Variants in GLE1 observed in about 807,000 individuals in gnomAD.
The protein encoded by GLE1 is mRNA export factor GLE1.
A neutral mutation model predicts 97.3 loss-of-function variants in GLE1; 78 were observed. That is an observed-to-expected ratio of 0.80 (90% confidence interval 0.67 to 0.97). The LOEUF (loss-of-function observed/expected upper bound fraction) is 0.97, where lower values mean the gene tolerates loss of function less well. Among genes scored for constraint, GLE1 ranks in the 50% least tolerant of loss-of-function variants. The probability of loss-of-function intolerance (pLI) is 0.00; values close to 1 mark genes in which losing one functional copy is unlikely to be tolerated. For synonymous variants in GLE1, 302 were observed against 313.4 expected (o/e 0.96, Z 0.39); for missense variants, 753 against 857.5 (o/e 0.88, Z 1.52).
rs121434409 is a variant in GLE1, at chr9:128,541,124, T to C, written c.2051T>C (p.Ile684Thr). 31 of 1,588,832 alleles carry C rather than the reference T, an allele frequency of 2.0e-5. No homozygotes were observed. Reference sequence around the variant, plus strand: ...CAGAAATGTTTGCAACACAAGGACATTCCTGTCCCCAAGGGCTTTCTGACT... The same window carrying C: ...CAGAAATGTTTGCAACACAAGGACACTCCTGTCCCCAAGGGCTTTCTGACT... ...FLEKCLQHKD[I>T]PVPKGFLTSS... Residue 684 changes from isoleucine (I) to threonine (T), a missense_variant, in exon 16 of 16, where the codon ATT becomes ACT. Transcript: ENST00000309971.
At chr9:128,512,873 A>C (rs773359399) in intron 2 of GLE1, among the ~76,000 whole-genome samples, 11 of 151,990 alleles carry the variant, frequency 7.2e-5, no homozygotes, top group Non-Finnish European at 1.3e-4. Context: ...TGGTCAGGCT[A>C]GGTGACCTCA....
At chr9:128,517,629 C>T (rs1847025374) in intron 3 of GLE1, among the ~76,000 whole-genome samples, 1 of 152,022 alleles carries the variant, frequency 6.6e-6, no homozygotes, top group Non-Finnish European at 1.5e-5. Flanking sequence ...AAATTTTTCC[C>T]CTTGATTAGT....
At chr9:128,516,929 A>AT (rs200090822) in intron 3 of GLE1, among the ~76,000 whole-genome samples, 461 of 151,018 alleles carry the variant, frequency 3.1e-3, no homozygotes, top group African/African-American at 0.01. Context: ...CCCAGCATGT[A>AT]TTTTTTTTTA....
rs183078705 is a variant in GLE1 at position 128,519,294 on chromosome 9, G to T, written c.433-3374G>T. ...AACAAGAGAGATAACCTTAAACTCT[G>T]ACCGCCGGTGAGCTGGGCAGAACAA... On this transcript the variant is annotated intron_variant, in intron 3 of 15. Transcript: ENST00000309971. Among the ~76,000 whole-genome samples, 527 of 152,324 alleles carry T rather than the reference G, an allele frequency of 3.5e-3. 3 individuals are homozygous for T. The highest frequency in any genetic ancestry group is 4.6e-3 in the Non-Finnish European group (310 of 68,032).
chr9:128,509,202 C>G, intron 2 of GLE1, 105 bp downstream of exon 2: 1 of 760,740 alleles, frequency 1.3e-6, no homozygotes. Context: ...ATAATGATTG[C>G]TCATTGTTGT....
chr9:128,526,548 G>A (rs559215550), intron 7 of GLE1, among the ~76,000 whole-genome samples: 1 of 152,094 alleles, frequency 6.6e-6, no homozygotes, highest in Non-Finnish European at 1.5e-5. Flanking sequence ...TAGTGGAGAC[G>A]GGGTTTCTCC....
intron 5 of GLE1, 34 bp downstream of exon 5, chr9:128,523,374 G>C: frequency 6.3e-7 from 1 of 1,582,566 alleles, no homozygotes; most frequent in Non-Finnish European, 8.7e-7. Context: ...TGGGTGTTTT[G>C]GTGTCTGTCT....
rs537244282 is a variant in GLE1 at position 128,542,103 on chromosome 9, A to G, written c.*933A>G. On this transcript the variant is annotated 3_prime_UTR_variant, in exon 16 of 16. Transcript: ENST00000309971. Reference sequence around the variant, plus strand: ...TTAAAATTTGTTTTGTGGAAAGACTAATTCTCTTTGATACTGCAGAGGCAG... The same window carrying G: ...TTAAAATTTGTTTTGTGGAAAGACTGATTCTCTTTGATACTGCAGAGGCAG... The G allele has an allele frequency of 9.2e-5, 14 of 152,316 alleles. No individual in the cohort carries two copies. In the East Asian group the frequency reaches 2.3e-3, roughly 25 times the overall value. 9.4% of individuals were successfully genotyped at this position (152,316 alleles called of 1,614,324 possible).
At chr9:128,534,767 G>A (rs1216746553) in intron 11 of GLE1, among the ~76,000 whole-genome samples, 1 of 151,326 alleles carries the variant, frequency 6.6e-6, no homozygotes, top group African/African-American at 2.4e-5. Flanking sequence ...CACCCAGGCT[G>A]GAGTGCAGTG....
At chr9:128,538,119 A>C (rs1484403370) in intron 13 of GLE1, 29 bp downstream of exon 13, 1 of 1,228,336 alleles carries the variant, frequency 8.1e-7, no homozygotes, top group Non-Finnish European at 1.2e-6. Context: ...ACACAAGAGA[A>C]GGCCAGTGGT....
At chr9:128,517,659 GT>G (rs1407407105) in intron 3 of GLE1, among the ~76,000 whole-genome samples, 1 of 152,074 alleles carries the variant, frequency 6.6e-6, no homozygotes, top group African/African-American at 2.4e-5. Flanking sequence ...CATTGCCTAA[GT>G]TAATCCTCTA....
At chr9:128,537,453 CAAAAAAAAAAAAAA>C (rs57584433) in intron 12 of GLE1, among the ~76,000 whole-genome samples, 4 of 43,960 alleles carry the variant, frequency 9.1e-5, no homozygotes, top group East Asian at 1.1e-3. Context: ...AACTCTCCCT[CAAAAAAAAAAAAAA>C]AAAAAAAAAA....
intron 12 of GLE1, among the ~76,000 whole-genome samples, 156 bp from the exon 13 acceptor site, chr9:128,537,828 CAG>C (rs1248955812): frequency 6.6e-6 from 1 of 152,104 alleles, no homozygotes; most frequent in Non-Finnish European, 1.5e-5. Flanking sequence ...AAAAGAAAAA[CAG>C]AATTTGTTTA....
At chr9:128,523,153 C>A (rs1054336981) in intron 4 of GLE1, 127 bp from the exon 5 acceptor site, 1 of 801,166 alleles carries the variant, frequency 1.2e-6, no homozygotes. Flanking sequence ...GGCAACATAA[C>A]GAGACCCCAT....
At position 128,522,818 on chromosome 9, in the gene GLE1, T is replaced by C. The variant is rs983867817; in HGVS notation, c.581+2T>C. 1.9e-6 allele frequency: 3 copies of C among 1,612,922 alleles called. No individual in the cohort carries two copies. In the African/African-American group the frequency reaches 4.0e-5, roughly 22 times the overall value. ...CTTGCGGGAAGTAATGGAGAAGAGG[T>C]GAGTCTCCCTGAATTATGACTGGGA... is the stretch of plus-strand genomic sequence containing the variant. On this transcript the variant is annotated splice_donor_variant, in intron 4 of 15. Coordinates refer to ENST00000309971, the MANE Select transcript of GLE1 (RefSeq NM_001003722.2). LOFTEE classifies it high-confidence loss of function.
At chr9:128,508,833 C>A in intron 1 of GLE1, 43 bp from the exon 2 acceptor site, 1 of 1,097,760 alleles carries the variant, frequency 9.1e-7, no homozygotes, top group Non-Finnish European at 1.4e-6. Context: ...ATACTGAGAA[C>A]AGTTGACGTG....
chr9:128,523,773 A>G lies in GLE1; in HGVS notation c.824A>G (p.Asp275Gly). 3.7e-6 allele frequency: 6 copies of G among 1,614,028 alleles called. No individual in the cohort carries two copies. The highest frequency in any genetic ancestry group is 5.1e-6 in the Non-Finnish European group (6 of 1,179,986). The part of the protein sequence containing the change: ...SEQHKALLKV[D>G]LAAFQTRGNQ... ...CAGCACAAAGCCCTGCTTAAGGTCG[A>G]CCTGGCTGCCTTCCAGACCCGAGGC... Residue 275 changes from aspartate (D) to glycine (G), a missense_variant, in exon 6 of 16, where the codon GAC becomes GGC. Transcript: ENST00000309971.
chr9:128,508,218 T>C (rs1846700271), intron 1 of GLE1, among the ~76,000 whole-genome samples: 1 of 139,346 alleles, frequency 7.2e-6, no homozygotes, highest in South Asian at 2.3e-4. Flanking sequence ...GGGCAACATA[T>C]CAAGACTCCA....
At chr9:128,505,130 A>T (rs983892723) in intron 1 of GLE1, among the ~76,000 whole-genome samples, 3 of 152,152 alleles carry the variant, frequency 2.0e-5, no homozygotes, top group Non-Finnish European at 4.4e-5. Flanking sequence ...CCGCGCTCTG[A>T]AGGCTTCATT....
Sources: allele counts gnomAD v4.1 joint callset (sites outside exome capture counted in the v4.1 genomes callset), GRCh38; gene constraint gnomAD v4.1.1; transcripts MANE v1.5; gene names NCBI Gene and HGNC (gene_info 2026-07-23, HGNC 2026-07-21).